STARD13: variants seen among roughly 807,000 people sequenced by gnomAD.
STARD13 encodes stAR-related lipid transfer protein 13.
STARD13 carries 62 observed loss-of-function variants against 106.4 expected under a neutral mutation model. The observed-to-expected ratio is 0.58, with a 90% CI of 0.48 to 0.72. STARD13 has a LOEUF of 0.72. Among genes scored for constraint, STARD13 ranks in the 30% least tolerant of loss-of-function variants. The pLI, the probability that STARD13 is intolerant of heterozygous loss-of-function variation, is 0.00. For missense variants in STARD13, 1,387 were observed against 1,424.0 expected, an observed-to-expected ratio of 0.97 and a Z score of 0.42; for synonymous variants, 565 against 553.0, an observed-to-expected ratio of 1.02 and a Z score of -0.31.
the STARD13 span, among the ~76,000 whole-genome samples, chr13:33,642,853 A>AG: frequency 6.6e-6 from 1 of 151,894 alleles, no homozygotes. Context: ...AAAAAAAAAA[A>AG]AAAAACCTCC....
At chr13:33,250,526 G>T (rs913446750) in intron 1 of STARD13, among the ~76,000 whole-genome samples, 2 of 152,168 alleles carry the variant, frequency 1.3e-5, no homozygotes, top group African/African-American at 4.8e-5. Context: ...ACCCATGCTG[G>T]TACAGACACA....
the STARD13 span, among the ~76,000 whole-genome samples, chr13:33,574,444 T>C: frequency 2.0e-5 from 3 of 152,136 alleles, no homozygotes; most frequent in African/African-American, 7.2e-5. Context: ...ACACTGTATT[T>C]AGAGATATCA....
chr13:33,347,277 C>A (rs1225024567), downstream of STARD13, among the ~76,000 whole-genome samples: 1 of 152,176 alleles, frequency 6.6e-6, no homozygotes, highest in African/African-American at 2.4e-5. Flanking sequence ...GCTCTATTAC[C>A]TAGGCTGGAG....
intron 1 of STARD13, among the ~76,000 whole-genome samples, chr13:33,196,123 G>A (rs545962550): frequency 1.5e-4 from 23 of 152,266 alleles, no homozygotes; most frequent in African/African-American, 5.1e-4. Context: ...AGTGGCTCAC[G>A]CCTGTAATCT....
At position 33,120,692 on chromosome 13, in the gene STARD13, A is replaced by G. The variant is rs184294337; in HGVS notation, c.2083-2429T>C. Among the ~76,000 whole-genome samples the G allele has an allele frequency of 4.9e-3, 752 of 152,332 alleles. 20 individuals are homozygous for G. The highest frequency in any genetic ancestry group is 1.4e-3 in the East Asian group (7 of 5,184). On this transcript the variant is annotated intron_variant, in intron 7 of 13. Coordinates refer to ENST00000336934, the MANE Select transcript of STARD13 (RefSeq NM_178006.4). ...CCAGTTATAGTAGCTGAAGATGGCC[A>G]AAGGGAAAGATGGAAAGAACCTCTC...
At chr13:33,660,281 G>A in the STARD13 span, among the ~76,000 whole-genome samples, 3 of 152,154 alleles carry the variant, frequency 2.0e-5, no homozygotes, top group Non-Finnish European at 4.4e-5. Context: ...TATTATCTGT[G>A]TTAGTTGTCA....
At chr13:33,135,446 T>C (rs1878932274) in intron 4 of STARD13, among the ~76,000 whole-genome samples, 7 of 152,190 alleles carry the variant, frequency 4.6e-5, no homozygotes, top group Admixed American at 4.6e-4. Context: ...TCAATCTGAT[T>C]TACAACAAGT....
the STARD13 span, among the ~76,000 whole-genome samples, chr13:33,485,937 G>A: frequency 6.6e-6 from 1 of 152,208 alleles, no homozygotes; most frequent in Non-Finnish European, 1.5e-5. Context: ...GTACTTTGGT[G>A]AATTGAAGAT....
chr13:33,269,581 A>G (rs1483070741), intron 1 of STARD13, among the ~76,000 whole-genome samples: 4 of 152,196 alleles, frequency 2.6e-5, no homozygotes, highest in Non-Finnish European at 5.9e-5. Context: ...AGTAAGCCCA[A>G]TTGACATTTG....
chr13:33,377,727 C>T, the STARD13 span, among the ~76,000 whole-genome samples: 5 of 152,074 alleles, frequency 3.3e-5, no homozygotes, highest in African/African-American at 9.7e-5. Context: ...TAATCCATAT[C>T]ACAATAGAAA....
chr13:33,243,641 G>A (rs1889666487), intron 1 of STARD13, among the ~76,000 whole-genome samples: 1 of 152,200 alleles, frequency 6.6e-6, no homozygotes, highest in South Asian at 2.1e-4. Context: ...TGACAGGCCA[G>A]GGATAATGGT....
chr13:33,331,679 TCTA>T (rs756368093), intron 1 of STARD13, among the ~76,000 whole-genome samples: 29 of 152,114 alleles, frequency 1.9e-4, no homozygotes, highest in Non-Finnish European at 2.4e-4. Context: ...TCTTCATTCT[TCTA>T]CTACCATACT....
chr13:33,587,932 TAAA>T, the STARD13 span, among the ~76,000 whole-genome samples: 3 of 152,240 alleles, frequency 2.0e-5, no homozygotes, highest in Admixed American at 2.0e-4. Flanking sequence ...TTGGGTTAAA[TAAA>T]AAGTATAATT....
At chr13:33,255,849 A>G (rs567963164) in intron 1 of STARD13, among the ~76,000 whole-genome samples, 4 of 152,280 alleles carry the variant, frequency 2.6e-5, no homozygotes, top group Admixed American at 6.5e-5. Context: ...AGGAGCTAAC[A>G]CTAATTACTG....
chr13:33,152,542 C>G (rs775040065), intron 3 of STARD13, among the ~76,000 whole-genome samples: 4 of 152,202 alleles, frequency 2.6e-5, no homozygotes, highest in Admixed American at 1.3e-4. Context: ...TGTCCCACCT[C>G]AGAAAGGAAT....
At chr13:33,342,092 G>A (rs2077967760) in intron 1 of STARD13, among the ~76,000 whole-genome samples, 1 of 152,176 alleles carries the variant, frequency 6.6e-6, no homozygotes, top group African/African-American at 2.4e-5. Context: ...ACTCTGCCAG[G>A]CCACAAATAC....
intron 3 of STARD13, among the ~76,000 whole-genome samples, chr13:33,144,285 A>G (rs1183081295): frequency 1.3e-5 from 2 of 152,276 alleles, no homozygotes; most frequent in African/African-American, 4.8e-5. Context: ...CAAACTAGAA[A>G]ATAATGTCAT....
chr13:33,497,813 G>C, the STARD13 span, among the ~76,000 whole-genome samples: 45,438 of 152,028 alleles, frequency 0.3, 7,657 homozygotes, highest in Non-Finnish European at 0.39. Flanking sequence ...GGAATTAGAC[G>C]TGTGAGAGCG....
the STARD13 span, among the ~76,000 whole-genome samples, chr13:33,499,610 C>CT: frequency 2.5e-4 from 19 of 74,968 alleles, no homozygotes; most frequent in East Asian, 7.5e-4. Flanking sequence ...CTTCTTTCTT[C>CT]TTCTTCTTCT....
Sources: gnomAD v4.1 joint callset for allele counts (sites outside exome capture counted in the v4.1 genomes callset) on GRCh38, gnomAD v4.1.1 for gene constraint, MANE v1.5 for transcripts, NCBI Gene and HGNC (gene_info 2026-07-23, HGNC 2026-07-21) for gene names.